Variants in ARHGAP8 observed in about 807,000 individuals in gnomAD.
ARHGAP8 encodes the protein Rho GTPase activating protein 8.
Under a neutral mutation model 46.1 loss-of-function variants are expected in ARHGAP8, and 62 were observed. The ratio of observed to expected loss-of-function variants is 1.34; its 90% CI spans 1.10 to 1.66. The LOEUF (loss-of-function observed/expected upper bound fraction) is 1.66. Among genes scored for constraint, ARHGAP8 ranks in the 40% most tolerant of loss-of-function variants. ARHGAP8 has a pLI of 0.00. For missense variants in ARHGAP8, 923 were observed against 568.4 expected, an observed-to-expected ratio of 1.62 and a Z score of -6.34; for synonymous variants, 375 against 243.1, an observed-to-expected ratio of 1.54 and a Z score of -5.05.
At chr22:44,845,640 C>G (rs1457994765) in intron 8 of ARHGAP8, among the ~76,000 whole-genome samples, 3 of 152,160 alleles carry the variant, frequency 2.0e-5, no homozygotes, top group Admixed American at 6.5e-5. Flanking sequence ...GTTGTAACCC[C>G]TAAACGAGAC....
At chr22:44,858,985 C>T (rs1268626286) in intron 10 of ARHGAP8, among the ~76,000 whole-genome samples, 2 of 151,796 alleles carry the variant, frequency 1.3e-5, no homozygotes, top group East Asian at 3.9e-4. Flanking sequence ...AGGCAATGTA[C>T]AAAATGTCCG....
At chr22:44,810,236 C>CTT (rs58029838) in intron 4 of ARHGAP8, among the ~76,000 whole-genome samples, 1,817 of 98,682 alleles carry the variant, frequency 0.018, 36 homozygotes, top group African/African-American at 0.043. Flanking sequence ...ATATGGCAGC[C>CTT]TTTTTTTTTT....
chr22:44,848,403 C>T (rs867298051), intron 9 of ARHGAP8, among the ~76,000 whole-genome samples: 3 of 152,242 alleles, frequency 2.0e-5, no homozygotes, highest in Non-Finnish European at 4.4e-5. Flanking sequence ...CTCAGCACGG[C>T]TTCCTTAACT....
chr22:44,825,480 C>T lies in ARHGAP8; in HGVS notation c.486-3C>T. Reference sequence around the variant, plus strand: ...GAGATCCCAGCCTCTGTTGTGTCTACAGGTACGATGAGAAGCTCCAGAGCC... The same window carrying T: ...GAGATCCCAGCCTCTGTTGTGTCTATAGGTACGATGAGAAGCTCCAGAGCC... On this transcript the variant is annotated splice_polypyrimidine_tract_variant and splice_region_variant and intron_variant, in intron 6 of 11. Coordinates refer to ENST00000356099, the MANE Select transcript of ARHGAP8 (RefSeq NM_181335.3). 6.2e-7 allele frequency: 1 copy of T among 1,612,558 alleles called. No individual in the cohort carries two copies. The highest frequency in any genetic ancestry group is 8.5e-7 in the Non-Finnish European group (1 of 1,179,320).
intron 5 of ARHGAP8, among the ~76,000 whole-genome samples, chr22:44,820,140 C>G (rs992291995): frequency 6.6e-6 from 1 of 152,248 alleles, no homozygotes; most frequent in Non-Finnish European, 1.5e-5. Flanking sequence ...GGCTGCAGGT[C>G]TAACAAAACC....
At chr22:44,788,355 G>A (rs888836978) in intron 2 of ARHGAP8, among the ~76,000 whole-genome samples, 3 of 152,068 alleles carry the variant, frequency 2.0e-5, no homozygotes, top group African/African-American at 7.2e-5. Flanking sequence ...CTGACCTCAG[G>A]TGATCAACCT....
chr22:44,858,808 A>C (rs1002953813), intron 10 of ARHGAP8, among the ~76,000 whole-genome samples: 1 of 150,880 alleles, frequency 6.6e-6, no homozygotes, highest in Non-Finnish European at 1.5e-5. Context: ...AGAGCAACAA[A>C]GTGTGGGCGA....
At chr22:44,794,011 C>T (rs1468196449) in intron 2 of ARHGAP8, among the ~76,000 whole-genome samples, 2 of 152,156 alleles carry the variant, frequency 1.3e-5, no homozygotes, top group Non-Finnish European at 2.9e-5. Context: ...GGCCTCAGTG[C>T]GGGGCATGCG....
At chr22:44,778,078 A>T (rs557174180) in intron 1 of ARHGAP8, among the ~76,000 whole-genome samples, 61 of 151,916 alleles carry the variant, frequency 4.0e-4, no homozygotes, top group Admixed American at 8.5e-4. Context: ...TGGTGTGGCT[A>T]CATGAGTACG....
chr22:44,821,121 C>A (rs1930098318), intron 5 of ARHGAP8, among the ~76,000 whole-genome samples: 1 of 152,162 alleles, frequency 6.6e-6, no homozygotes, highest in South Asian at 2.1e-4. Flanking sequence ...CAACATAATT[C>A]TTTACCCACA....
intron 1 of ARHGAP8, among the ~76,000 whole-genome samples, chr22:44,758,458 A>G (rs1268805287): frequency 6.6e-6 from 1 of 152,098 alleles, no homozygotes; most frequent in Admixed American, 6.5e-5. Flanking sequence ...GGCTGGGTGT[A>G]TGGGGGCTCC....
chr22:44,785,283 C>T (rs549141806), intron 1 of ARHGAP8, among the ~76,000 whole-genome samples: 11 of 152,298 alleles, frequency 7.2e-5, no homozygotes, highest in African/African-American at 2.4e-4. Context: ...CCCATCTCCT[C>T]GGGCCGCCAG....
At chr22:44,848,850 G>C in intron 9 of ARHGAP8, 82 bp from the exon 10 acceptor site, 1 of 1,588,594 alleles carries the variant, frequency 6.3e-7, no homozygotes, top group Non-Finnish European at 8.6e-7. Context: ...GACATCTCAC[G>C]CCCTGTGTCT....
intron 1 of ARHGAP8, among the ~76,000 whole-genome samples, chr22:44,777,747 G>A (rs1926526039): frequency 6.6e-6 from 1 of 152,102 alleles, no homozygotes; most frequent in Non-Finnish European, 1.5e-5. Context: ...CCAGGCTGGA[G>A]TGTAATGGCA....
intron 5 of ARHGAP8, among the ~76,000 whole-genome samples, chr22:44,818,651 T>G (rs144264213): frequency 6.6e-6 from 1 of 152,340 alleles, no homozygotes; most frequent in East Asian, 1.9e-4. Flanking sequence ...TCATAATAAT[T>G]CACTGACTTA....
intron 7 of ARHGAP8, among the ~76,000 whole-genome samples, chr22:44,827,918 C>A (rs1266947571): frequency 1.3e-5 from 2 of 152,206 alleles, no homozygotes; most frequent in Admixed American, 6.5e-5. Flanking sequence ...CCAGCATTAT[C>A]TGATGGAACT....
At chr22:44,847,031 G>C (rs1055871678) in intron 8 of ARHGAP8, among the ~76,000 whole-genome samples, 2 of 152,194 alleles carry the variant, frequency 1.3e-5, no homozygotes, top group Non-Finnish European at 2.9e-5. Flanking sequence ...GAGCGTGCGG[G>C]GCTTCGAGGA....
chr22:44,763,174 C>G (rs1456699489), intron 1 of ARHGAP8, among the ~76,000 whole-genome samples: 1 of 151,974 alleles, frequency 6.6e-6, no homozygotes, highest in African/African-American at 2.4e-5. Context: ...ATTCAATGGG[C>G]TTGGTTCCCA....
intron 1 of ARHGAP8, among the ~76,000 whole-genome samples, chr22:44,784,858 A>G (rs569733492): frequency 2.0e-5 from 3 of 152,282 alleles, no homozygotes; most frequent in South Asian, 4.1e-4. Flanking sequence ...TAGGTACTCA[A>G]TGCATATTTG....
Sources: gnomAD v4.1 joint callset for allele counts (sites outside exome capture counted in the v4.1 genomes callset) on GRCh38, gnomAD v4.1.1 for gene constraint, MANE v1.5 for transcripts, NCBI Gene and HGNC (gene_info 2026-07-23, HGNC 2026-07-21) for gene names.